The following CTNNA2 variants were observed in gnomAD, a reference collection of about 807,000 sequenced individuals.
CTNNA2 encodes the protein catenin alpha 2, also known as catenin alpha-2.
Under a neutral mutation model 101.0 loss-of-function variants are expected in CTNNA2, and 42 were observed. The observed-to-expected ratio is 0.42, with a 90% CI of 0.32 to 0.54. The LOEUF is 0.54. Ranked by LOEUF, CTNNA2 falls within the 20% of genes least tolerant of loss-of-function variation. The probability of loss-of-function intolerance (pLI) is 0.14; values close to 1 mark genes in which losing one functional copy is unlikely to be tolerated. For missense variants in CTNNA2, 871 were observed against 1,223.1 expected, an observed-to-expected ratio of 0.71 and a Z score of 4.29; for synonymous variants, 450 against 456.4, an observed-to-expected ratio of 0.99 and a Z score of 0.18.
intron 7 of CTNNA2, among the ~76,000 whole-genome samples, chr2:79,928,961 C>T (rs952396055): frequency 1.3e-5 from 2 of 152,032 alleles, no homozygotes; most frequent in South Asian, 2.1e-4. Flanking sequence ...GGCAAAATTG[C>T]AAAACACATT....
chr2:79,814,186 T>C (rs7588334), intron 3 of CTNNA2, among the ~76,000 whole-genome samples: 15,201 of 152,146 alleles, frequency 0.1, 1,055 homozygotes, highest in African/African-American at 0.19. Context: ...CATCGTGAGG[T>C]CCGACAAAAC....
chr2:79,998,371 CAATG>C (rs1692700872), intron 7 of CTNNA2, among the ~76,000 whole-genome samples: 1 of 152,054 alleles, frequency 6.6e-6, no homozygotes, highest in Non-Finnish European at 1.5e-5. Flanking sequence ...AAATGATAGA[CAATG>C]AATAATGTTT....
intron 2 of CTNNA2, among the ~76,000 whole-genome samples, chr2:79,240,447 C>A (rs971434960): frequency 2.0e-5 from 3 of 151,970 alleles, no homozygotes; most frequent in Non-Finnish European, 4.4e-5. Flanking sequence ...TATTTAGCTC[C>A]CACTTATAAG....
chr2:80,217,739 G>A (rs1040658725), intron 7 of CTNNA2, among the ~76,000 whole-genome samples: 1 of 152,184 alleles, frequency 6.6e-6, no homozygotes, highest in African/African-American at 2.4e-5. Flanking sequence ...TCCCCAAAGT[G>A]AAATGCAGAA....
chr2:80,341,278 T>C (rs1432985911), intron 7 of CTNNA2, among the ~76,000 whole-genome samples: 8 of 152,198 alleles, frequency 5.3e-5, no homozygotes, highest in Non-Finnish European at 1.0e-4. Flanking sequence ...TACATGCTTT[T>C]AGTCATGGTT....
intron 3 of CTNNA2, among the ~76,000 whole-genome samples, chr2:79,776,510 T>C (rs1673975914): frequency 6.6e-6 from 1 of 152,170 alleles, no homozygotes; most frequent in African/African-American, 2.4e-5. Flanking sequence ...AAGCAATCAC[T>C]TAGACAATTA....
At chr2:80,615,941 A>C (rs1698816570) in intron 17 of CTNNA2, among the ~76,000 whole-genome samples, 1 of 151,726 alleles carries the variant, frequency 6.6e-6, no homozygotes, top group Non-Finnish European at 1.5e-5. Context: ...CTATAAATAT[A>C]TCTCAAATAC....
chr2:79,446,636 G>C (rs1453566490), intron 4 of CTNNA2, among the ~76,000 whole-genome samples: 1 of 151,978 alleles, frequency 6.6e-6, no homozygotes, highest in Non-Finnish European at 1.5e-5. Flanking sequence ...TGTCTCCAAC[G>C]CTTATGTAAT....
chr2:80,162,027 C>G (rs1558864494), intron 7 of CTNNA2, among the ~76,000 whole-genome samples: 1 of 152,084 alleles, frequency 6.6e-6, no homozygotes, highest in Non-Finnish European at 1.5e-5. Flanking sequence ...TAAAGTGAAT[C>G]ACTGAAAAGT....
chr2:79,944,780 G>A (rs538577092), intron 7 of CTNNA2, among the ~76,000 whole-genome samples: 2 of 152,278 alleles, frequency 1.3e-5, no homozygotes, highest in South Asian at 4.1e-4. Context: ...TATTCAATAA[G>A]TAGAGAAGGA....
At position 80,191,715 on chromosome 2, in the gene CTNNA2, A is replaced by C. The variant is rs149662155; in HGVS notation, c.1057-201496A>C. On this transcript the variant is annotated intron_variant, in intron 7 of 18. Transcript: ENST00000402739. Reference sequence around the variant, plus strand: ...ATTATTTGAGAAGTAAAAATGCCTAATATATCTCTGTAGGGAAGAGTGAGT... The same window carrying C: ...ATTATTTGAGAAGTAAAAATGCCTACTATATCTCTGTAGGGAAGAGTGAGT... Among the ~76,000 whole-genome samples, 325 of 152,356 alleles carry C rather than the reference A, an allele frequency of 2.1e-3. 2 individuals carry two copies. Among genetic ancestry groups the C allele is most frequent in the African/African-American group, 7.3e-3 (304 of 41,590 alleles).
chr2:80,167,744 G>C (rs2148956641), intron 7 of CTNNA2, among the ~76,000 whole-genome samples: 1 of 152,258 alleles, frequency 6.6e-6, no homozygotes, highest in East Asian at 1.9e-4. Flanking sequence ...TCAGGAATTA[G>C]TTGTAATGCA....
intron 4 of CTNNA2, among the ~76,000 whole-genome samples, chr2:79,456,384 T>C (rs1394077252): frequency 3.3e-5 from 5 of 152,096 alleles, no homozygotes; most frequent in African/African-American, 1.2e-4. Context: ...ATAAAGATTC[T>C]TAAAGCCATT....
intron 7 of CTNNA2, among the ~76,000 whole-genome samples, chr2:80,011,352 A>G (rs955773432): frequency 2.0e-5 from 3 of 152,172 alleles, no homozygotes; most frequent in African/African-American, 4.8e-5. Flanking sequence ...ATATGACAGA[A>G]AATAAAGAGT....
At chr2:79,695,968 T>C (rs1229444504) in intron 2 of CTNNA2, among the ~76,000 whole-genome samples, 1 of 152,028 alleles carries the variant, frequency 6.6e-6, no homozygotes, top group Non-Finnish European at 1.5e-5. Flanking sequence ...TTTTATTTTT[T>C]CCCATATCAT....
At chr2:80,322,537 C>T (rs889792065) in intron 7 of CTNNA2, among the ~76,000 whole-genome samples, 26 of 151,762 alleles carry the variant, frequency 1.7e-4, no homozygotes, top group Middle Eastern at 3.4e-3. Context: ...CTGCAGCCCC[C>T]GGGCCCTTGC....
intron 9 of CTNNA2, among the ~76,000 whole-genome samples, chr2:80,534,267 C>G (rs1475399825): frequency 6.6e-6 from 1 of 152,070 alleles, no homozygotes; most frequent in Non-Finnish European, 1.5e-5. Flanking sequence ...GGACCATGAA[C>G]AAATTTCTTC....
intron 7 of CTNNA2, among the ~76,000 whole-genome samples, chr2:79,979,108 G>A (rs896865765): frequency 2.0e-5 from 3 of 152,088 alleles, no homozygotes; most frequent in South Asian, 2.1e-4. Context: ...CTGATAGGCC[G>A]GACACAGTGG....
At chr2:79,850,875 G>A (rs1281061985) in intron 3 of CTNNA2, among the ~76,000 whole-genome samples, 2 of 152,184 alleles carry the variant, frequency 1.3e-5, no homozygotes, top group Non-Finnish European at 2.9e-5. Context: ...AGATGAAAGA[G>A]TTACATGCTA....
Sources: allele counts gnomAD v4.1 joint callset (sites outside exome capture counted in the v4.1 genomes callset), GRCh38; gene constraint gnomAD v4.1.1; transcripts MANE v1.5; gene names NCBI Gene and HGNC (gene_info 2026-07-23, HGNC 2026-07-21).